Variants in STON2 observed in about 807,000 individuals in gnomAD.
The protein encoded by STON2 is stonin 2.
STON2 carries 29 observed loss-of-function variants against 65.7 expected under a neutral mutation model. That is an observed-to-expected ratio of 0.44 (90% confidence interval 0.33 to 0.60). STON2 has a LOEUF of 0.60. STON2 is among the 20% of genes least tolerant of loss of function. The probability of loss-of-function intolerance (pLI) is 0.03; values close to 1 mark genes in which losing one functional copy is unlikely to be tolerated. For synonymous variants in STON2, 404 were observed against 414.2 expected (o/e 0.98, Z 0.30); for missense variants, 1,054 against 1,118.1 (o/e 0.94, Z 0.82).
intron 3 of STON2, among the ~76,000 whole-genome samples, chr14:81,377,137 G>T (rs985280735): frequency 2.0e-5 from 3 of 152,120 alleles, no homozygotes; most frequent in Admixed American, 1.3e-4. Flanking sequence ...ACTTTCATAA[G>T]CATGCCCATT....
chr14:81,278,135 G>T lies in STON2; in HGVS notation c.1347C>A (p.Asp449Glu), dbSNP rs777872186. The T allele has an allele frequency of 1.2e-5, 20 of 1,614,064 alleles. No homozygotes were observed. Among genetic ancestry groups the T allele is most frequent in the African/African-American group, 1.3e-5 (1 of 74,910 alleles). Reference protein sequence around the residue: ...VEKLKQLQIDDPDHFGSATLP... With the variant: ...VEKLKQLQIDEPDHFGSATLP... ...GAGTTGCACTGCCAAAGTGATCAGGGTCATCAATTTGGAGTTGTTTGAGTT... is the reference window on the plus strand; with the variant it reads ...GAGTTGCACTGCCAAAGTGATCAGGTTCATCAATTTGGAGTTGTTTGAGTT... Residue 449 changes from aspartate to glutamate, a missense_variant, in exon 6 of 8, where the codon GAC becomes GAA. Asp to Glu is a conservative substitution (Grantham distance 45). Transcript: ENST00000614646.
rs1566949976 is a variant in STON2, at chr14:81,413,704, G to A, written c.-199+13398C>T. The stretch of plus-strand genomic sequence containing the variant: ...CCAGCTACTGGGGAGGCTGAGGCAG[G>A]AGAACTGCTTGAACCCGGGAGGTGG... On this transcript the variant is annotated intron_variant, in intron 2 of 8. Coordinates refer to the STON2 transcript ENST00000553821. Among the ~76,000 whole-genome samples the A allele has an allele frequency of 3.6e-5, 5 of 139,026 alleles. 2 individuals carry two copies. The highest frequency in any genetic ancestry group is 1.2e-4 in the African/African-American group (4 of 33,568). The allele number at this position is 139,026 out of a possible 152,430, so 91.2% of individuals were successfully genotyped here. A position where few individuals can be genotyped will look rare whatever the true frequency, so the allele number is the denominator to read the frequency against.
Position 81,389,736 on chromosome 14 carries a change from G to A in STON2, c.373+6158C>T, listed in dbSNP as rs532227818. Among the ~76,000 whole-genome samples, 9 of 152,360 alleles carry A rather than the reference G, an allele frequency of 5.9e-5. No individual in the cohort carries two copies. The South Asian group carries it at 1.7e-3, about 28-fold the overall frequency. On this transcript the variant is annotated intron_variant, in intron 3 of 7. Coordinates refer to ENST00000614646, the MANE Select transcript of STON2 (RefSeq NM_001394390.1). ...GATAAAACTGAGTAAGAGCTGTGGG[G>A]AAGCCCCAGAAGTAAACGATAATTA...
chr14:81,429,920 G>A (rs1402075371), intron 1 of STON2, among the ~76,000 whole-genome samples: 1 of 150,504 alleles, frequency 6.6e-6, no homozygotes, highest in African/African-American at 2.5e-5. Flanking sequence ...GGGTGACACA[G>A]CAAGACTCTG....
intron 4 of STON2, among the ~76,000 whole-genome samples, chr14:81,349,776 C>T (rs1466546324): frequency 6.6e-6 from 1 of 151,986 alleles, no homozygotes; most frequent in African/African-American, 2.4e-5. Context: ...TATCAGCACC[C>T]CCATGTTTAT....
intron 5 of STON2, among the ~76,000 whole-genome samples, chr14:81,280,179 A>G (rs1895048107): frequency 6.6e-6 from 1 of 152,224 alleles, no homozygotes; most frequent in Non-Finnish European, 1.5e-5. Context: ...CCACTTTAGC[A>G]GGGCCTTCAA....
chr14:81,395,665 T>C, intron 3 of STON2: 2 of 527,566 alleles, frequency 3.8e-6, no homozygotes, highest in Non-Finnish European at 6.7e-6. Context: ...GGGACAAGAG[T>C]AAAGGACTAG....
intron 6 of STON2, among the ~76,000 whole-genome samples, chr14:81,275,106 C>T (rs1894759594): frequency 6.6e-6 from 1 of 151,938 alleles, no homozygotes; most frequent in Admixed American, 6.6e-5. Context: ...TGTTTTGTTG[C>T]TTAGGGTAGC....
intron 3 of STON2, among the ~76,000 whole-genome samples, chr14:81,386,363 G>A (rs1293297836): frequency 6.6e-6 from 1 of 151,998 alleles, no homozygotes; most frequent in African/African-American, 2.4e-5. Context: ...CCATTAGCCA[G>A]AATGAACAAC....
Position 81,296,512 on chromosome 14 carries a change from C to T in STON2, c.743-17773G>A, listed in dbSNP as rs978498764. On this transcript the variant is annotated intron_variant, in intron 5 of 7. Transcript: ENST00000614646. ...TTTGTATCCTTCATTGAGGGCATTT[C>T]CTAGGGATAGGCTCGAACCCCCTTT... Among the ~76,000 whole-genome samples the T allele has an allele frequency of 2.0e-5, 3 of 152,154 alleles. No individual in the cohort carries two copies. In the East Asian group the frequency reaches 5.8e-4, roughly 29 times the overall value.
intron 3 of STON2, among the ~76,000 whole-genome samples, chr14:81,376,905 CT>C (rs773063081): frequency 1.3e-5 from 2 of 152,000 alleles, no homozygotes; most frequent in East Asian, 1.9e-4. Flanking sequence ...ATTTTTTCCC[CT>C]AATCACTCTC....
chr14:81,430,915 C>T (rs1366662735), intron 1 of STON2, among the ~76,000 whole-genome samples: 2 of 152,172 alleles, frequency 1.3e-5, no homozygotes, highest in Non-Finnish European at 2.9e-5. Flanking sequence ...GTTTAAGTGT[C>T]CCTTCTCTCA....
At chr14:81,421,810 T>C (rs1357006094) in intron 2 of STON2, among the ~76,000 whole-genome samples, 1 of 152,190 alleles carries the variant, frequency 6.6e-6, no homozygotes, top group Non-Finnish European at 1.5e-5. Context: ...CATTGAGATG[T>C]TGTCTTTAGG....
chr14:81,277,156 G>C lies in STON2; in HGVS notation c.2326C>G (p.Pro776Ala), dbSNP rs763400427. ...MSTGFSANRD[P>A]LTQVPCENVM... ...TTCTCACAGGGAACCTGAGTGAGGG[G>C]GTCACGATTGGCGGAGAAGCCAGTT... Residue 776 changes from proline to alanine, a missense_variant, in exon 6 of 8, where the codon CCC becomes GCC. Coordinates refer to ENST00000614646, the MANE Select transcript of STON2 (RefSeq NM_001394390.1). 3 of 1,614,196 alleles carry C rather than the reference G, an allele frequency of 1.9e-6. No individual in the cohort carries two copies. The South Asian group carries it at 3.3e-5, about 18-fold the overall frequency.
At chr14:81,326,400 A>G (rs1239340602) in intron 4 of STON2, among the ~76,000 whole-genome samples, 1 of 152,156 alleles carries the variant, frequency 6.6e-6, no homozygotes, top group Non-Finnish European at 1.5e-5. Context: ...TGGCTCATAC[A>G]ACCCCTCCTT....
chr14:81,313,396 T>C (rs1896501499), intron 5 of STON2, among the ~76,000 whole-genome samples: 1 of 152,152 alleles, frequency 6.6e-6, no homozygotes, highest in African/African-American at 2.4e-5. Flanking sequence ...AGTGAATGTT[T>C]ACTGCATGAC....
chr14:81,339,890 C>A (rs1897525656), intron 4 of STON2, among the ~76,000 whole-genome samples: 1 of 152,002 alleles, frequency 6.6e-6, no homozygotes, highest in Non-Finnish European at 1.5e-5. Context: ...CGTGGTGGCT[C>A]ACGCCTGTAA....
chr14:81,357,160 G>A (rs991585805), intron 4 of STON2, among the ~76,000 whole-genome samples: 1 of 151,092 alleles, frequency 6.6e-6, no homozygotes, highest in Non-Finnish European at 1.5e-5. Context: ...TCTGACAAAG[G>A]GCTAATATCC....
chr14:81,288,621 C>T (rs17111668), intron 5 of STON2, among the ~76,000 whole-genome samples: 3,165 of 152,162 alleles, frequency 0.021, 116 homozygotes, highest in African/African-American at 0.072. Flanking sequence ...ACTTATGAGC[C>T]GATCAAAGAG....
Sources: gnomAD v4.1 joint callset for allele counts (sites outside exome capture counted in the v4.1 genomes callset) on GRCh38, gnomAD v4.1.1 for gene constraint, MANE v1.5 for transcripts, NCBI Gene and HGNC (gene_info 2026-07-23, HGNC 2026-07-21) for gene names.